Variants in CYREN observed in about 807,000 individuals in gnomAD.
CYREN encodes cell cycle regulator of NHEJ.
Under a neutral mutation model 9.7 loss-of-function variants are expected in CYREN, and 7 were observed. That is an observed-to-expected ratio of 0.72 (90% confidence interval 0.41 to 1.36). The LOEUF (loss-of-function observed/expected upper bound fraction) is 1.36, where lower values mean the gene tolerates loss of function less well. CYREN is among the 40% of genes most tolerant of loss of function. The probability of loss-of-function intolerance (pLI) is 0.01; values close to 1 mark genes in which losing one functional copy is unlikely to be tolerated. For missense variants in CYREN, 215 were observed against 198.1 expected, an observed-to-expected ratio of 1.09 and a Z score of -0.51; for synonymous variants, 76 against 77.9, an observed-to-expected ratio of 0.98 and a Z score of 0.13.
At chr7:135,130,289 A>G (rs1251043855) in intron 2 of CYREN, among the ~76,000 whole-genome samples, 1 of 152,242 alleles carries the variant, frequency 6.6e-6, no homozygotes, top group East Asian at 1.9e-4. Flanking sequence ...ATGGAAATTT[A>G]TAATAATTTA....
chr7:135,110,726 T>C (rs1304235484), intron 2 of CYREN, among the ~76,000 whole-genome samples: 1 of 152,222 alleles, frequency 6.6e-6, no homozygotes, highest in East Asian at 1.9e-4. Context: ...TTGTGTTCAC[T>C]CACTCCTTCA....
At chr7:135,164,429 G>C (rs778884609), downstream of CYREN, 2 of 1,589,052 alleles carry the variant, frequency 1.3e-6, no homozygotes, top group East Asian at 4.5e-5. Flanking sequence ...TCCCCCGGCA[G>C]AGGGCAGTAG....
intron 2 of CYREN, among the ~76,000 whole-genome samples, chr7:135,128,152 TGTG>T (rs1483835838): frequency 2.0e-5 from 3 of 149,798 alleles, no homozygotes; most frequent in Non-Finnish European, 4.5e-5. Flanking sequence ...ATTAGCCAGG[TGTG>T]GTGGTGAGTG....
chr7:135,162,337 C>T (rs1466942232), downstream of CYREN, among the ~76,000 whole-genome samples: 1 of 152,318 alleles, frequency 6.6e-6, no homozygotes, highest in East Asian at 1.9e-4. Flanking sequence ...TCCAGGAGGC[C>T]ATTTGGTATC....
intron 2 of CYREN, among the ~76,000 whole-genome samples, chr7:135,101,807 C>G (rs1823872143): frequency 6.6e-6 from 1 of 152,158 alleles, no homozygotes; most frequent in Non-Finnish European, 1.5e-5. Context: ...TGTCCCCACC[C>G]AAATCTCATC....
chr7:135,097,215 A>T (rs1823036953), intron 2 of CYREN, among the ~76,000 whole-genome samples: 1 of 152,166 alleles, frequency 6.6e-6, no homozygotes. Flanking sequence ...TCGGTCAACA[A>T]AGGGAAAATT....
chr7:135,171,061 G>C (rs1324959955), upstream of CYREN, among the ~76,000 whole-genome samples: 1 of 152,122 alleles, frequency 6.6e-6, no homozygotes, highest in Non-Finnish European at 1.5e-5. Context: ...TCCCTGCTGG[G>C]CCAGGCCCCC....
intron 2 of CYREN, among the ~76,000 whole-genome samples, chr7:135,160,466 G>A (rs1296353473): frequency 6.6e-6 from 1 of 152,134 alleles, no homozygotes; most frequent in South Asian, 2.1e-4. Flanking sequence ...AGTGTCATGG[G>A]GTTTCCAACC....
At chr7:135,117,977 G>C (rs891201937) in intron 2 of CYREN, among the ~76,000 whole-genome samples, 1 of 152,198 alleles carries the variant, frequency 6.6e-6, no homozygotes, top group African/African-American at 2.4e-5. Context: ...GCAAATTTGA[G>C]CTAAGGGAAG....
intron 2 of CYREN, 106 bp from the exon 3 acceptor site, chr7:135,167,913 A>G (rs1335865893): frequency 6.4e-6 from 10 of 1,557,876 alleles, no homozygotes; most frequent in Non-Finnish European, 7.8e-6. Flanking sequence ...CCTACCACGC[A>G]GGAGGTACCA....
At chr7:135,159,157 T>G (rs1829866918) in intron 2 of CYREN, among the ~76,000 whole-genome samples, 1 of 152,246 alleles carries the variant, frequency 6.6e-6, no homozygotes, top group Admixed American at 6.5e-5. Flanking sequence ...TTACTTCTCA[T>G]GTTTCCCATA....
intron 2 of CYREN, among the ~76,000 whole-genome samples, chr7:135,159,612 G>T (rs1483750385): frequency 1.3e-5 from 2 of 152,166 alleles, no homozygotes; most frequent in Non-Finnish European, 2.9e-5. Context: ...TGTTCCAGAG[G>T]ACCTAGTGCA....
chr7:135,098,078 G>A (rs980484044), intron 2 of CYREN, among the ~76,000 whole-genome samples: 4 of 152,088 alleles, frequency 2.6e-5, no homozygotes, highest in Non-Finnish European at 5.9e-5. Flanking sequence ...GATGCAAAGG[G>A]CCTAAATGAC....
In CYREN at chr7:135,169,075, A is replaced by G; in HGVS notation, c.-138-15T>C. The G allele has an allele frequency of 1.3e-6, 1 of 746,246 alleles. No homozygotes were observed. The highest frequency in any genetic ancestry group is 2.1e-6 in the Non-Finnish European group (1 of 474,412). The allele number at this position is 746,246 out of a possible 1,614,324, so 46.2% of individuals were successfully genotyped here. On this transcript the variant is annotated splice_polypyrimidine_tract_variant and intron_variant, in intron 1 of 3. Coordinates refer to ENST00000393114, the MANE Select transcript of CYREN (RefSeq NM_024033.4). ...ATCTTTGATTCCTACAAAGAACAAT[A>G]AAGTCCGGTGAATTCCCATACCTCC... is the stretch of plus-strand genomic sequence containing the variant.
Position 135,168,818 on chromosome 7 carries a change from C to T in CYREN, c.105G>A (p.Met35Ile). The T allele has an allele frequency of 1.2e-6, 2 of 1,614,150 alleles. No individual in the cohort carries two copies. Among genetic ancestry groups the T allele is most frequent in the Non-Finnish European group, 1.7e-6 (2 of 1,179,992 alleles). Residue 35 changes from methionine (M) to isoleucine (I), a missense_variant, in exon 2 of 4, where the codon ATG becomes ATA. Coordinates refer to ENST00000393114, the MANE Select transcript of CYREN (RefSeq NM_024033.4). ...CTGCCACTGGCACTGCTGCCATTCT[C>T]ATCCTCTTGGGGGCCTTCATTGGTG... is the stretch of plus-strand genomic sequence containing the variant. Reference protein sequence around the residue: ...NVAPMKAPKRMRMAAVPVAAA... With the variant: ...NVAPMKAPKRIRMAAVPVAAA...
chr7:135,142,763 T>G (rs1829477233), intron 2 of CYREN, among the ~76,000 whole-genome samples: 1 of 152,102 alleles, frequency 6.6e-6, no homozygotes, highest in South Asian at 2.1e-4. Flanking sequence ...CTTAAGTATG[T>G]GTCAAGAGCT....
At chr7:135,157,209 A>AT (rs772971197) in intron 2 of CYREN, among the ~76,000 whole-genome samples, 19 of 152,156 alleles carry the variant, frequency 1.2e-4, no homozygotes, top group Admixed American at 7.9e-4. Flanking sequence ...GCTTGTTCCA[A>AT]TTTTTTGAAA....
chr7:135,168,588 G>C, intron 2 of CYREN, 198 bp downstream of exon 2: 2 of 704,394 alleles, frequency 2.8e-6, no homozygotes, highest in Non-Finnish European at 4.6e-6. Context: ...AGGCAGAAGT[G>C]GGTGCCTGTC....
intron 2 of CYREN, among the ~76,000 whole-genome samples, chr7:135,117,475 A>G (rs191136763): frequency 1.5e-4 from 23 of 152,334 alleles, no homozygotes; most frequent in African/African-American, 5.1e-4. Flanking sequence ...AATTAGACCA[A>G]TGTCTAAAAT....
Sources: gnomAD v4.1 joint callset for allele counts (sites outside exome capture counted in the v4.1 genomes callset) on GRCh38, gnomAD v4.1.1 for gene constraint, MANE v1.5 for transcripts, NCBI Gene and HGNC (gene_info 2026-07-23, HGNC 2026-07-21) for gene names.